The following IFT56 variants were observed in gnomAD, a reference collection of about 807,000 sequenced individuals.
IFT56 encodes intraflagellar transport 56.
At chr7:139,153,504 G>A in the IFT56 span, among the ~76,000 whole-genome samples, 1 of 150,934 alleles carries the variant, frequency 6.6e-6, no homozygotes, top group African/African-American at 2.4e-5. Flanking sequence ...CATTCCCCCA[G>A]CCCTGAGCAA....
At chr7:139,165,400 T>A in the IFT56 span, among the ~76,000 whole-genome samples, 7 of 152,338 alleles carry the variant, frequency 4.6e-5, no homozygotes, top group African/African-American at 1.4e-4. Context: ...TGCCTTTTTT[T>A]ATCCTCTTTC....
the IFT56 span, chr7:139,187,305 C>CACTT: frequency 7.3e-7 from 1 of 1,372,032 alleles, no homozygotes; most frequent in South Asian, 1.5e-5. Context: ...AGCACCCATG[C>CACTT]ACTTATTTCA....
At chr7:139,188,356 C>G in the IFT56 span, among the ~76,000 whole-genome samples, 1 of 152,168 alleles carries the variant, frequency 6.6e-6, no homozygotes, top group Non-Finnish European at 1.5e-5. Context: ...CCACCTCAGC[C>G]TCCCAAAGTT....
chr7:139,154,340 A>G, the IFT56 span, among the ~76,000 whole-genome samples: 3 of 149,612 alleles, frequency 2.0e-5, no homozygotes, highest in African/African-American at 7.5e-5. Flanking sequence ...ATTTTGATGA[A>G]GTCAAAGTTA....
chr7:139,174,370 C>A, the IFT56 span: 1 of 478,940 alleles, frequency 2.1e-6, no homozygotes, highest in East Asian at 5.4e-5. Context: ...GAGGCCTCCT[C>A]CACTGGCGGC....
At chr7:139,135,835 T>C in the IFT56 span, among the ~76,000 whole-genome samples, 2 of 152,228 alleles carry the variant, frequency 1.3e-5, no homozygotes, top group African/African-American at 4.8e-5. Flanking sequence ...ACTCTGTCCA[T>C]ATTACTCTGA....
chr7:139,181,695 T>C, the IFT56 span, among the ~76,000 whole-genome samples: 1 of 152,242 alleles, frequency 6.6e-6, no homozygotes, highest in African/African-American at 2.4e-5. Context: ...TTGGGCCATA[T>C]GATATAGCTT....
chr7:139,189,387 C>A, the IFT56 span: 15 of 1,613,416 alleles, frequency 9.3e-6, no homozygotes, highest in African/African-American at 1.3e-5. Flanking sequence ...AATACATGAT[C>A]CGGATCATGA....
chr7:139,184,410 A>G, the IFT56 span, among the ~76,000 whole-genome samples: 1 of 152,246 alleles, frequency 6.6e-6, no homozygotes, highest in Non-Finnish European at 1.5e-5. Flanking sequence ...AACAGGGAAT[A>G]ACAAGGACAT....
chr7:139,134,891 G>A, the IFT56 span: 4 of 1,194,358 alleles, frequency 3.3e-6, no homozygotes, highest in Non-Finnish European at 4.7e-6. Flanking sequence ...ATAGGTGGGT[G>A]CATTCTGGGG....
chr7:139,180,059 C>T, the IFT56 span, among the ~76,000 whole-genome samples: 16 of 152,298 alleles, frequency 1.1e-4, no homozygotes, highest in East Asian at 9.6e-4. Context: ...AACTTTAGGC[C>T]GGGCGCGGTG....
chr7:139,171,145 A>G, the IFT56 span, among the ~76,000 whole-genome samples: 2 of 152,218 alleles, frequency 1.3e-5, no homozygotes, highest in African/African-American at 2.4e-5. Flanking sequence ...AAGTAGTGAA[A>G]TATTTCTACA....
the IFT56 span, among the ~76,000 whole-genome samples, chr7:139,161,872 T>A: frequency 1.3e-5 from 2 of 152,222 alleles, no homozygotes; most frequent in Non-Finnish European, 2.9e-5. Context: ...ATCTAATCTT[T>A]TAACTTCAAA....
the IFT56 span, chr7:139,142,218 T>C: frequency 1.9e-6 from 3 of 1,612,956 alleles, no homozygotes; most frequent in African/African-American, 1.3e-5. Context: ...TGCTAGACTG[T>C]TGAGTTCTTT....
At chr7:139,161,283 A>C in the IFT56 span, 1 of 386,684 alleles carries the variant, frequency 2.6e-6, no homozygotes, top group Non-Finnish European at 4.6e-6. Context: ...TTTTTTGAGA[A>C]AGACAAAGGA....
At chr7:139,183,565 C>T in the IFT56 span, among the ~76,000 whole-genome samples, 8 of 151,712 alleles carry the variant, frequency 5.3e-5, no homozygotes, top group Non-Finnish European at 1.0e-4. Context: ...TCTAAGTATG[C>T]CTATTAAAAG....
chr7:139,183,843 T>G, the IFT56 span, among the ~76,000 whole-genome samples: 1 of 152,226 alleles, frequency 6.6e-6, no homozygotes, highest in Non-Finnish European at 1.5e-5. Context: ...TAAATGTTAA[T>G]AGCAGCTTTA....
chr7:139,136,028 A>T, the IFT56 span, among the ~76,000 whole-genome samples: 1 of 151,882 alleles, frequency 6.6e-6, no homozygotes, highest in South Asian at 2.1e-4. Context: ...GGTTCAAGCA[A>T]TTCTCCTGCC....
At chr7:139,146,082 C>G in the IFT56 span, among the ~76,000 whole-genome samples, 3 of 152,060 alleles carry the variant, frequency 2.0e-5, no homozygotes, top group East Asian at 5.8e-4. Context: ...TGTTTTATAA[C>G]CAGGCTTTTC....
Sources: gnomAD v4.1 joint callset for allele counts (sites outside exome capture counted in the v4.1 genomes callset) on GRCh38, gnomAD v4.1.1 for gene constraint, MANE v1.5 for transcripts, NCBI Gene and HGNC (gene_info 2026-07-23, HGNC 2026-07-21) for gene names.